EVC: variants seen among roughly 807,000 people sequenced by gnomAD.
EVC encodes EvC ciliary complex subunit 1, also known as evC complex member EVC.
A neutral mutation model predicts 118.9 loss-of-function variants in EVC; 116 were observed. The observed-to-expected ratio is 0.98, with a 90% confidence interval of 0.84 to 1.14. The LOEUF (loss-of-function observed/expected upper bound fraction) is 1.14, where lower values mean the gene tolerates loss of function less well. Among genes scored for constraint, EVC ranks in the 50% most tolerant of loss-of-function variants. EVC has a pLI of 0.00. For synonymous variants in EVC, 619 were observed against 534.7 expected (o/e 1.16, Z -2.18); for missense variants, 1,401 against 1,246.4 (o/e 1.12, Z -1.87).
chr4:5,783,006 G>A (rs574420892), intron 11 of EVC, among the ~76,000 whole-genome samples: 58 of 151,256 alleles, frequency 3.8e-4, no homozygotes, highest in Admixed American at 3.6e-3. Flanking sequence ...GAAGGTTGGC[G>A]AGGAGAGCAG....
chr4:5,797,329 A>C (rs1577618161), intron 14 of EVC, 97 bp downstream of exon 14: 1 of 1,044,412 alleles, frequency 9.6e-7, no homozygotes, highest in Non-Finnish European at 1.4e-6. Context: ...GAATCCTATC[A>C]CCCTTGGTGC....
intron 11 of EVC, among the ~76,000 whole-genome samples, chr4:5,759,919 G>A (rs1010202978): frequency 3.3e-5 from 5 of 151,002 alleles, no homozygotes; most frequent in Non-Finnish European, 5.9e-5. Context: ...GACATCAATC[G>A]GTACATGTAA....
Position 5,711,491 on chromosome 4 carries a change from G to C in EVC, c.111G>C (p.Ala37=). 1 of 1,124,430 alleles carries C rather than the reference G, an allele frequency of 8.9e-7. No individual in the cohort carries two copies. Among genetic ancestry groups the C allele is most frequent in the Non-Finnish European group, 1.1e-6 (1 of 920,832 alleles). 69.7% of individuals were successfully genotyped at this position (1,124,430 alleles called of 1,614,324 possible). A position where few individuals can be genotyped will look rare whatever the true frequency, so the allele number is the denominator to read the frequency against. Residue 37 remains alanine, a synonymous_variant, in exon 1 of 21, where the codon GCG becomes GCC. Transcript: ENST00000264956. The stretch of plus-strand genomic sequence containing the variant: ...CCCCCGCCGTGCTGCTGGGCGCCGC[G>C]CTCGGCCTCGGCCTCGGCCTTTGGC... The part of the protein sequence containing the change: ...LLAPAVLLGA[A]LGLGLGLWLG...
Position 5,719,390 on chromosome 4 carries a change from T to C in EVC, c.300+17T>C. On this transcript the variant is annotated intron_variant, in intron 2 of 20. Transcript: ENST00000264956. The surrounding 1 kb of genome is among the most constrained non-coding windows in gnomAD (Gnocchi z 4.7). Reference sequence around the variant, plus strand: ...GCTGTTGATGTAAGCTTGGTGTTGATGTTTGTTTGTGGAGGCACATGTGGG... The same window carrying C: ...GCTGTTGATGTAAGCTTGGTGTTGACGTTTGTTTGTGGAGGCACATGTGGG... 1.2e-6 allele frequency: 2 copies of C among 1,613,984 alleles called. No homozygotes were observed. The highest frequency in any genetic ancestry group is 8.5e-7 in the Non-Finnish European group (1 of 1,179,948).
intron 11 of EVC, among the ~76,000 whole-genome samples, chr4:5,760,343 A>G (rs1324887010): frequency 6.6e-6 from 1 of 152,050 alleles, no homozygotes; most frequent in Non-Finnish European, 1.5e-5. Flanking sequence ...GTGTGGGCCT[A>G]GTTGCTGGGC....
intron 13 of EVC, among the ~76,000 whole-genome samples, chr4:5,795,207 C>G (rs1176733976): frequency 1.3e-5 from 2 of 152,124 alleles, no homozygotes; most frequent in Non-Finnish European, 2.9e-5. Flanking sequence ...GTACATGTGT[C>G]TTTTTGGTAG....
rs1553860016 is a variant in EVC at position 5,715,740 on chromosome 4, C to CCTTTTTTTTTTTTTTT, written c.175-3508_175-3507insCTTTTTTTTTTTTTTT. On this transcript the variant is annotated intron_variant, in intron 1 of 20. Coordinates refer to ENST00000264956, the MANE Select transcript of EVC (RefSeq NM_153717.3). ...AATTTCGAAGGCATTTTTCCATTGT[C>CCTTTTTTTTTTTTTTT]TTTTTTTTTTTTTTTTTTTTTGAGA... Among the ~76,000 whole-genome samples the CCTTTTTTTTTTTTTTT allele has an allele frequency of 8.5e-5, 6 of 70,992 alleles. 3 individuals are homozygous for CCTTTTTTTTTTTTTTT. Among genetic ancestry groups the CCTTTTTTTTTTTTTTT allele is most frequent in the Non-Finnish European group, 1.2e-4 (4 of 33,134 alleles). The allele number at this position is 70,992 out of a possible 152,430, so 46.6% of individuals were successfully genotyped here. A position where few individuals can be genotyped will look rare whatever the true frequency, so the allele number is the denominator to read the frequency against.
chr4:5,736,143 G>C (rs1727633230), intron 5 of EVC, among the ~76,000 whole-genome samples: 1 of 152,188 alleles, frequency 6.6e-6, no homozygotes, highest in Non-Finnish European at 1.5e-5. Flanking sequence ...TGGCCAGGAT[G>C]AGAACAGATT....
rs1724608551 is a variant in EVC at position 5,719,630 on chromosome 4, C to T, written c.300+257C>T. ...ATCACCCAGCAAGTCCTCTAGTGCC[C>T]CTTTCTGGTCACTTCCCGCCCCCAC... is the stretch of plus-strand genomic sequence containing the variant. On this transcript the variant is annotated intron_variant, in intron 2 of 20. Coordinates refer to ENST00000264956, the MANE Select transcript of EVC (RefSeq NM_153717.3). The surrounding 1 kb of genome is among the most constrained non-coding windows in gnomAD (Gnocchi z 4.7). Among the ~76,000 whole-genome samples, 2 of 152,164 alleles carry T rather than the reference C, an allele frequency of 1.3e-5. 1 individual carries two copies. The highest frequency in any genetic ancestry group is 4.2e-4 in the South Asian group (2 of 4,818).
intron 14 of EVC, 168 bp downstream of exon 14, chr4:5,797,400 T>G: frequency 1.1e-5 from 7 of 661,984 alleles, no homozygotes; most frequent in South Asian, 3.4e-5. Context: ...ACCGGGCAGC[T>G]TACACTGCAC....
chr4:5,792,738 C>T (rs1423222049), intron 12 of EVC, among the ~76,000 whole-genome samples: 1 of 152,102 alleles, frequency 6.6e-6, no homozygotes, highest in Non-Finnish European at 1.5e-5. Context: ...TCACCATATA[C>T]GAAATCAGTA....
At position 5,756,660 on chromosome 4, in the gene EVC, A is replaced by G. The variant is rs763595560; in HGVS notation, c.1563+298A>G. Among the ~76,000 whole-genome samples, 26 of 152,324 alleles carry G rather than the reference A, an allele frequency of 1.7e-4. No homozygotes were observed. The highest frequency in any genetic ancestry group is 3.4e-4 in the Non-Finnish European group (23 of 68,028). The stretch of plus-strand genomic sequence containing the variant: ...GGAAATCCGTTCTCCCCAGGTGAGA[A>G]ATAGGCCCAGGGTTTCTGGGTGTCA... On this transcript the variant is annotated intron_variant, in intron 11 of 20. Transcript: ENST00000264956. This position sits in a 1 kb window ranked among gnomAD's most constrained non-coding sequence, Gnocchi z 4.2.
chr4:5,726,981 T>C (rs1352556381), intron 2 of EVC, among the ~76,000 whole-genome samples: 1 of 152,162 alleles, frequency 6.6e-6, no homozygotes, highest in Non-Finnish European at 1.5e-5. Context: ...TTGTTGGACA[T>C]TTGGGTTGGT....
At position 5,743,434 on chromosome 4, in the gene EVC, T is replaced by C. The variant is rs925599410; in HGVS notation, c.801+1620T>C. On this transcript the variant is annotated intron_variant, in intron 6 of 20. Coordinates refer to ENST00000264956, the MANE Select transcript of EVC (RefSeq NM_153717.3). The surrounding 1 kb of genome is among the most constrained non-coding windows in gnomAD (Gnocchi z 4.7). The stretch of plus-strand genomic sequence containing the variant: ...TCATTGTTATTGTCATCATTTTCAT[T>C]ACTGCCATCGTCATCGCATCATTGT... Among the ~76,000 whole-genome samples, 4 of 152,202 alleles carry C rather than the reference T, an allele frequency of 2.6e-5. No homozygotes were observed. Among genetic ancestry groups the C allele is most frequent in the African/African-American group, 7.2e-5 (3 of 41,434 alleles).
intron 13 of EVC, among the ~76,000 whole-genome samples, chr4:5,794,343 T>A (rs866650966): frequency 2.5e-5 from 1 of 39,376 alleles, no homozygotes; most frequent in South Asian, 1.4e-3. Flanking sequence ...ATTTATATAC[T>A]TATATATATA....
chr4:5,758,192 G>T, intron 11 of EVC: 1 of 698,810 alleles, frequency 1.4e-6, no homozygotes, highest in Non-Finnish European at 2.6e-6. Flanking sequence ...CCAAAAGCCA[G>T]AAGAGCCCAG....
intron 11 of EVC, among the ~76,000 whole-genome samples, chr4:5,770,966 C>A (rs759313469): frequency 6.6e-6 from 1 of 151,478 alleles, no homozygotes; most frequent in Non-Finnish European, 1.5e-5. Context: ...GAGACGAGAT[C>A]GCACCATTGC....
intron 5 of EVC, among the ~76,000 whole-genome samples, chr4:5,739,275 A>G (rs1728161727): frequency 6.6e-6 from 1 of 152,216 alleles, no homozygotes. Flanking sequence ...ATTATATCTT[A>G]TACCATATCA....
chr4:5,734,963 A>G (rs113865637), intron 5 of EVC, among the ~76,000 whole-genome samples: 13,560 of 152,138 alleles, frequency 0.089, 658 homozygotes, highest in Middle Eastern at 0.13. Flanking sequence ...GAGCCTGTCC[A>G]GTTGGCAAGC....
Sources: gnomAD v4.1 joint callset for allele counts (sites outside exome capture counted in the v4.1 genomes callset) on GRCh38, gnomAD v4.1.1 for gene constraint, Gnocchi (gnomAD v3.1) non-coding constraint, MANE v1.5 for transcripts, NCBI Gene and HGNC (gene_info 2026-07-23, HGNC 2026-07-21) for gene names.